STARD13: variants seen among roughly 807,000 people sequenced by gnomAD.
The protein encoded by STARD13 is StAR related lipid transfer domain containing 13.
A neutral mutation model predicts 106.4 loss-of-function variants in STARD13; 62 were observed. The observed-to-expected ratio is 0.58, with a 90% CI of 0.48 to 0.72. The LOEUF (loss-of-function observed/expected upper bound fraction) is 0.72. STARD13 is among the 30% of genes least tolerant of loss of function. The probability of loss-of-function intolerance (pLI) is 0.00; values close to 1 mark genes in which losing one functional copy is unlikely to be tolerated. For missense variants in STARD13, 1,387 were observed against 1,424.0 expected (o/e 0.97, Z 0.42); for synonymous variants, 565 against 553.0 (o/e 1.02, Z -0.31).
intron 4 of STARD13, chr13:33,138,929 G>A: frequency 2.2e-6 from 1 of 449,348 alleles, no homozygotes; most frequent in Non-Finnish European, 4.5e-6. Context: ...CAGTGCTTTG[G>A]AAGTGGCATT....
the STARD13 span, among the ~76,000 whole-genome samples, chr13:33,417,494 A>G: frequency 5.9e-5 from 9 of 152,246 alleles, no homozygotes; most frequent in African/African-American, 2.2e-4. Context: ...CATTATTCAC[A>G]GTAGCCAAAA....
chr13:33,233,029 G>A (rs572426281), intron 1 of STARD13, among the ~76,000 whole-genome samples: 142 of 152,328 alleles, frequency 9.3e-4, no homozygotes, highest in African/African-American at 3.1e-3. Context: ...GCAAGACCTA[G>A]ACCAAACCCC....
At chr13:33,252,255 G>A (rs534048745) in intron 1 of STARD13, among the ~76,000 whole-genome samples, 1 of 152,134 alleles carries the variant, frequency 6.6e-6, no homozygotes, top group African/African-American at 2.4e-5. Flanking sequence ...ACACTCCTAC[G>A]TCCTGCCTAT....
intron 1 of STARD13, among the ~76,000 whole-genome samples, chr13:33,238,191 A>T (rs771791576): frequency 1.3e-4 from 20 of 152,188 alleles, no homozygotes; most frequent in Non-Finnish European, 2.6e-4. Context: ...AGAATTCAAC[A>T]TTGAACACAA....
chr13:33,337,513 ACT>A (rs2077910304), intron 1 of STARD13, among the ~76,000 whole-genome samples: 2 of 152,192 alleles, frequency 1.3e-5, no homozygotes, highest in South Asian at 4.1e-4. Context: ...TGTATCAGTA[ACT>A]CTGCAAACAT....
chr13:33,192,014 T>C (rs1209879567), intron 1 of STARD13, among the ~76,000 whole-genome samples: 3 of 152,220 alleles, frequency 2.0e-5, no homozygotes, highest in Admixed American at 6.5e-5. Flanking sequence ...TGGCCTTGGA[T>C]GGTATTCTCT....
At chr13:33,342,096 C>G (rs139471165) in intron 1 of STARD13, among the ~76,000 whole-genome samples, 2 of 152,172 alleles carry the variant, frequency 1.3e-5, no homozygotes, top group Non-Finnish European at 2.9e-5. Flanking sequence ...TGCCAGGCCA[C>G]AAATACAAAC....
At chr13:33,469,533 A>C in the STARD13 span, among the ~76,000 whole-genome samples, 2 of 152,182 alleles carry the variant, frequency 1.3e-5, no homozygotes, top group Non-Finnish European at 2.9e-5. Flanking sequence ...CACCGAACAA[A>C]TGTTTAAGGA....
chr13:33,264,670 A>G (rs768887660), intron 1 of STARD13, among the ~76,000 whole-genome samples: 1 of 152,188 alleles, frequency 6.6e-6, no homozygotes, highest in Non-Finnish European at 1.5e-5. Context: ...CCTTCAAAGA[A>G]GAAGGCTCCT....
the STARD13 span, among the ~76,000 whole-genome samples, chr13:33,391,320 C>CATTT: frequency 6.6e-6 from 1 of 152,134 alleles, no homozygotes; most frequent in Non-Finnish European, 1.5e-5. Flanking sequence ...TTTTAACATT[C>CATTT]ACTGCATTTA....
At chr13:33,429,183 A>G in the STARD13 span, among the ~76,000 whole-genome samples, 66 of 152,364 alleles carry the variant, frequency 4.3e-4, no homozygotes, top group African/African-American at 1.4e-3. Flanking sequence ...ATATAAACCC[A>G]AAAGAAAGGA....
chr13:33,571,189 A>G, the STARD13 span, among the ~76,000 whole-genome samples: 2 of 152,154 alleles, frequency 1.3e-5, no homozygotes, highest in East Asian at 3.9e-4. Context: ...CTGAGATTCC[A>G]TCACAACGGA....
chr13:33,411,397 G>A, the STARD13 span, among the ~76,000 whole-genome samples: 2 of 151,890 alleles, frequency 1.3e-5, no homozygotes, highest in African/African-American at 4.8e-5. Context: ...TCCTCTGATT[G>A]TCCACTCTCT....
chr13:33,673,015 T>C, the STARD13 span, among the ~76,000 whole-genome samples: 1 of 152,194 alleles, frequency 6.6e-6, no homozygotes, highest in African/African-American at 2.4e-5. Context: ...ATAAGTTCCT[T>C]TTAGAGTGGT....
chr13:33,429,283 T>C, the STARD13 span, among the ~76,000 whole-genome samples: 5 of 151,016 alleles, frequency 3.3e-5, no homozygotes. Flanking sequence ...TAAGTGTCCA[T>C]CAACAGATGG....
intron 1 of STARD13, among the ~76,000 whole-genome samples, chr13:33,250,749 C>A (rs141549467): frequency 6.6e-6 from 1 of 152,222 alleles, no homozygotes; most frequent in Non-Finnish European, 1.5e-5. Flanking sequence ...GTCTGTCAAC[C>A]AGTACACTTG....
At position 33,127,485 on chromosome 13, in the gene STARD13, G is replaced by A; in HGVS notation, c.1810C>T (p.His604Tyr). The change falls in exon 6 of 14, where the codon CAC (histidine) becomes TAC (tyrosine). Residue 604 changes from histidine to tyrosine, a missense_variant. By Grantham distance (83) the His-to-Tyr change is moderately conservative (BLOSUM62 2). Coordinates refer to ENST00000336934, the MANE Select transcript of STARD13 (RefSeq NM_178006.4). The stretch of plus-strand genomic sequence containing the variant: ...TGGCTGGCCGTCTGGCTGCTGATGT[G>A]GGGCGATGCTGGGGCCGGCCGGGGC... ...HQPRPAPASP[H>Y]ISSQTASQLS... is the part of the protein sequence containing the mutation. The A allele has an allele frequency of 6.3e-7, 1 of 1,594,674 alleles. No individual in the cohort carries two copies. Among genetic ancestry groups the A allele is most frequent in the Non-Finnish European group, 8.5e-7 (1 of 1,175,776 alleles).
the STARD13 span, among the ~76,000 whole-genome samples, chr13:33,416,601 A>T: frequency 6.6e-6 from 1 of 152,174 alleles, no homozygotes; most frequent in Non-Finnish European, 1.5e-5. Context: ...CAATAGGGGG[A>T]AAATGATATT....
At chr13:33,647,033 A>G in the STARD13 span, among the ~76,000 whole-genome samples, 1 of 152,178 alleles carries the variant, frequency 6.6e-6, no homozygotes, top group Non-Finnish European at 1.5e-5. Context: ...TAAAAAATTT[A>G]AAAGGAAATG....
Sources: allele counts gnomAD v4.1 joint callset (sites outside exome capture counted in the v4.1 genomes callset), GRCh38; gene constraint gnomAD v4.1.1; transcripts MANE v1.5; gene names NCBI Gene and HGNC (gene_info 2026-07-23, HGNC 2026-07-21).